The following PRPF40B variants were observed in gnomAD, a reference collection of about 807,000 sequenced individuals.
PRPF40B encodes pre-mRNA processing factor 40B, also known as pre-mRNA-processing factor 40 homolog B.
In PRPF40B, 56 loss-of-function variants were observed where a neutral mutation model predicts 124.5. That is an observed-to-expected ratio of 0.45 (90% confidence interval 0.36 to 0.56). The LOEUF is 0.56. Ranked by LOEUF, PRPF40B falls within the 20% of genes least tolerant of loss-of-function variation. PRPF40B has a pLI of 0.00. For missense variants in PRPF40B, 1,053 were observed against 1,169.5 expected, an observed-to-expected ratio of 0.90 and a Z score of 1.45; for synonymous variants, 443 against 426.4, an observed-to-expected ratio of 1.04 and a Z score of -0.48.
chr12:49,622,983 CA>C (rs1163487791), upstream of PRPF40B, among the ~76,000 whole-genome samples: 1 of 151,936 alleles, frequency 6.6e-6, no homozygotes, highest in African/African-American at 2.4e-5. Flanking sequence ...AGCCAGGTCC[CA>C]AAAGTGAACT....
rs1160480348 is a variant in PRPF40B, at chr12:49,631,024, G to A, written c.85-377G>A. ...TTGGAGAGAAAGGGATGGGAGGCAG[G>A]GGACTGGGGTACTTGGGTACCTGGA... On this transcript the variant is annotated intron_variant, in intron 2 of 25. Transcript: ENST00000548825. This position sits in a 1 kb window ranked among gnomAD's most constrained non-coding sequence, Gnocchi z 4.3. Among the ~76,000 whole-genome samples, 2 of 152,210 alleles carry A rather than the reference G, an allele frequency of 1.3e-5. No homozygotes were observed. Among genetic ancestry groups the A allele is most frequent in the African/African-American group, 4.8e-5 (2 of 41,438 alleles).
chr12:49,642,010 C>A lies in PRPF40B; in HGVS notation c.1870C>A (p.Leu624Met). The A allele has an allele frequency of 6.2e-7, 1 of 1,613,006 alleles. No homozygotes were observed. The highest frequency in any genetic ancestry group is 8.5e-7 in the Non-Finnish European group (1 of 1,180,026). The part of the protein sequence containing the change: ...AAALDAGNIK[L>M]TFNSLLEKAE... ...CGCACTGGACGCAGGCAACATCAAG[C>A]TGACCTTCAATAGTGTGAGGGGCTG... Residue 624 changes from leucine to methionine, a missense_variant, in exon 19 of 26, where the codon CTG (leucine) becomes ATG (methionine). Around this residue, in one of 2 missense-constraint regions of PRPF40B, gnomAD observed 895 missense variants for 1,052.2 expected, o/e 0.85. Coordinates refer to ENST00000548825, the MANE Select transcript of PRPF40B (RefSeq NM_001031698.3). This position sits in a 1 kb window ranked among gnomAD's most constrained non-coding sequence, Gnocchi z 5.8.
At chr12:49,627,608 G>A (rs1280699825) in intron 1 of PRPF40B, among the ~76,000 whole-genome samples, 3 of 152,146 alleles carry the variant, frequency 2.0e-5, no homozygotes, top group African/African-American at 7.2e-5. Context: ...GATTGGCAAG[G>A]TAGCTGGGTA....
chr12:49,623,690 A>T, intron 1 of PRPF40B, 97 bp downstream of exon 1: 1 of 1,006,970 alleles, frequency 9.9e-7, no homozygotes, highest in Non-Finnish European at 1.2e-6. Flanking sequence ...GCCGCTGGGG[A>T]TAGCTGGGAC....
rs1273240240 is a variant in PRPF40B at position 49,633,976 on chromosome 12, A to T, written c.696A>T (p.Pro232=). The change falls in exon 10 of 26, where the codon CCA becomes CCT. Residue 232 remains proline (P), a synonymous_variant. Coordinates refer to ENST00000548825, the MANE Select transcript of PRPF40B (RefSeq NM_001031698.3). Reference sequence around the variant, plus strand: ...CACCTGTGCCTCCTGGCCCCACCCCAGTGCCCACAGGCCTCCTGGAACCTG... The same window carrying T: ...CACCTGTGCCTCCTGGCCCCACCCCTGTGCCCACAGGCCTCCTGGAACCTG... The part of the protein sequence containing the change: ...DPPPVPPGPT[P]VPTGLLEPEP... 6.2e-7 allele frequency: 1 copy of T among 1,614,114 alleles called. No individual in the cohort carries two copies. Among genetic ancestry groups the T allele is most frequent in the Non-Finnish European group, 8.5e-7 (1 of 1,179,992 alleles).
chr12:49,635,821 C>A lies in PRPF40B; in HGVS notation c.1276-22C>A. The A allele has an allele frequency of 1.2e-6, 2 of 1,612,988 alleles. No individual in the cohort carries two copies. The highest frequency in any genetic ancestry group is 1.7e-6 in the Non-Finnish European group (2 of 1,179,690). On this transcript the variant is annotated intron_variant, in intron 14 of 25. Transcript: ENST00000548825. This position sits in a 1 kb window ranked among gnomAD's most constrained non-coding sequence, Gnocchi z 4.1. ...GGTAGCTCTGGCCTGCCCTGCCTCA[C>A]CCTGATCCTGTGGCTCCCTAGGAAC... is the stretch of plus-strand genomic sequence containing the variant.
At chr12:49,629,079 GT>G (rs1199224186) in intron 1 of PRPF40B, among the ~76,000 whole-genome samples, 1 of 152,220 alleles carries the variant, frequency 6.6e-6, no homozygotes, top group Non-Finnish European at 1.5e-5. Context: ...CTTACAGTGA[GT>G]TTGTTTGTTT....
intron 24 of PRPF40B, 46 bp from the exon 25 acceptor site, chr12:49,643,815 C>T (rs945655880): frequency 1.9e-6 from 3 of 1,613,852 alleles, no homozygotes; most frequent in Non-Finnish European, 2.5e-6. Flanking sequence ...ACCTGCCTCC[C>T]AGGCTATCCA....
At chr12:49,630,872 A>C (rs900312459) in intron 2 of PRPF40B, among the ~76,000 whole-genome samples, 3 of 152,174 alleles carry the variant, frequency 2.0e-5, no homozygotes, top group Non-Finnish European at 4.4e-5. Flanking sequence ...AGGTAGGAGA[A>C]GTGGAAGGGA....
intron 1 of PRPF40B, chr12:49,623,898 A>G (rs1357923527): frequency 3.4e-6 from 4 of 1,164,664 alleles, no homozygotes; most frequent in Admixed American, 4.7e-5. Flanking sequence ...TCGGGAAAGA[A>G]GAGAGAGGGC....
Position 49,643,312 on chromosome 12 carries a change from G to A in PRPF40B, c.2295G>A (p.Glu765=), listed in dbSNP as rs535872438. ...GGAACCCCTCAGAGTCAGGCTCTGAGCCCTCTTCCTCACTTGATTCAGTTG... is the reference window on the plus strand; with the variant it reads ...GGAACCCCTCAGAGTCAGGCTCTGAACCCTCTTCCTCACTTGATTCAGTTG... ...RRRNPSESGS[E]PSSSLDSVES... The change falls in exon 23 of 26, where the codon GAG becomes GAA. Residue 765 remains glutamate, a synonymous_variant. Transcript: ENST00000548825. 84 of 1,611,462 alleles carry A rather than the reference G, an allele frequency of 5.2e-5. 1 individual carries two copies. The South Asian group carries it at 7.9e-4, about 15-fold the overall frequency.
chr12:49,627,282 T>G lies in PRPF40B; in HGVS notation c.4-3263T>G, dbSNP rs192184358. ...ATATTATAATTTAATTGGCAGCATT[T>G]GTTTTTTATTCATGCCAAATAGAAA... On this transcript the variant is annotated intron_variant, in intron 1 of 25. Coordinates refer to ENST00000548825, the MANE Select transcript of PRPF40B (RefSeq NM_001031698.3). Among the ~76,000 whole-genome samples the G allele has an allele frequency of 1.1e-3, 162 of 152,292 alleles. 1 individual carries two copies. The highest frequency in any genetic ancestry group is 3.6e-3 in the African/African-American group (149 of 41,524).
In PRPF40B at chr12:49,635,025, C is replaced by G. The variant is rs753502610; in HGVS notation, c.1002-74C>G. 1.9e-5 allele frequency: 27 copies of G among 1,438,360 alleles called. No individual in the cohort carries two copies. The highest frequency in any genetic ancestry group is 2.4e-5 in the Non-Finnish European group (26 of 1,062,482). 89.1% of individuals were successfully genotyped at this position (1,438,360 alleles called of 1,614,324 possible). A position where few individuals can be genotyped will look rare whatever the true frequency, so the allele number is the denominator to read the frequency against. On this transcript the variant is annotated intron_variant, in intron 12 of 25. Coordinates refer to ENST00000548825, the MANE Select transcript of PRPF40B (RefSeq NM_001031698.3). The surrounding 1 kb of genome is among the most constrained non-coding windows in gnomAD (Gnocchi z 4.1). ...CCCTGCAGCCTGCAGTGTCTCATGA[C>G]CCTCCAGTGTGGGCTGTGCAGAGTG...
chr12:49,636,567 C>A, intron 15 of PRPF40B, 149 bp from the exon 16 acceptor site: 1 of 913,136 alleles, frequency 1.1e-6, no homozygotes, highest in Non-Finnish European at 1.7e-6. Flanking sequence ...GCAGTGGCTG[C>A]TCCCACAGAG....
chr12:49,630,567 GGCCCCCA>G lies in PRPF40B; in HGVS notation c.29_35del (p.Pro10GlnfsTer12). The G allele has an allele frequency of 2.9e-6, 4 of 1,402,640 alleles. No homozygotes were observed. Among genetic ancestry groups the G allele is most frequent in the Non-Finnish European group, 4.0e-6 (4 of 997,020 alleles). 86.9% of individuals were successfully genotyped at this position (1,402,640 alleles called of 1,614,324 possible). On this transcript the variant is annotated frameshift_variant, in exon 2 of 26. Coordinates refer to ENST00000548825, the MANE Select transcript of PRPF40B (RefSeq NM_001031698.3). LOFTEE classifies it high-confidence loss of function. ...CAGTCGGTTCCCGATTCTGGTCCCCGGCCCCCAGCAGCGCCTGCCCCCTTCCCACCGG... is the reference window on the plus strand; with the variant it reads ...CAGTCGGTTCCCGATTCTGGTCCCCGGCAGCGCCTGCCCCCTTCCCACCGG...
In PRPF40B at chr12:49,636,981, CCT is replaced by C. The variant is rs1227865813; in HGVS notation, c.1560+139_1560+140del. Reference sequence around the variant, plus strand: ...CTAGCCCTGTCCAAGCTCTATGAGACCTCTCTCTGCCTGCAGTCTGTTTCTGC... The same window carrying C: ...CTAGCCCTGTCCAAGCTCTATGAGACCTCTCTGCCTGCAGTCTGTTTCTGC... On this transcript the variant is annotated intron_variant, in intron 16 of 25. Coordinates refer to ENST00000548825, the MANE Select transcript of PRPF40B (RefSeq NM_001031698.3). 3.9e-6 allele frequency: 5 copies of C among 1,291,368 alleles called. No homozygotes were observed. In the African/African-American group the frequency reaches 5.9e-5, roughly 15 times the overall value. The allele number at this position is 1,291,368 out of a possible 1,614,324, so 80.0% of individuals were successfully genotyped here.
At chr12:49,628,768 G>A (rs1057023414) in intron 1 of PRPF40B, among the ~76,000 whole-genome samples, 3 of 150,728 alleles carry the variant, frequency 2.0e-5, no homozygotes, top group African/African-American at 7.3e-5. Flanking sequence ...GGATTTCACC[G>A]TGTTGGCCAG....
In PRPF40B at chr12:49,635,210, C is replaced by G. The variant is rs960417069; in HGVS notation, c.1113C>G (p.Thr371=). The change falls in exon 13 of 26, where the codon ACC becomes ACG. Residue 371 remains threonine, a synonymous_variant. Transcript: ENST00000548825. The surrounding 1 kb of genome is among the most constrained non-coding windows in gnomAD (Gnocchi z 4.1). ...ARLRAKEAKQ[T]LQHFLEQHER... ...TAAGGGCCAAAGAGGCCAAGCAGAC[C>G]CTGCAGCATTTCCTGGAGCAGCATG... 1.2e-6 allele frequency: 2 copies of G among 1,613,960 alleles called. No homozygotes were observed. The highest frequency in any genetic ancestry group is 1.7e-6 in the Non-Finnish European group (2 of 1,179,994).
rs1449416648 is a variant in PRPF40B at position 49,630,267 on chromosome 12, C to T, written c.4-278C>T. 3.3e-5 allele frequency among the ~76,000 whole-genome samples: 5 copies of T among 152,190 alleles called. 1 individual carries two copies. Among genetic ancestry groups the T allele is most frequent in the Non-Finnish European group, 7.3e-5 (5 of 68,038 alleles). Reference sequence around the variant, plus strand: ...TCTGTGCCTGTAGTGAAGCCTCCTTCATCTTTTCTGTTGCTTTGACAAAAT... The same window carrying T: ...TCTGTGCCTGTAGTGAAGCCTCCTTTATCTTTTCTGTTGCTTTGACAAAAT... On this transcript the variant is annotated intron_variant, in intron 1 of 25. Coordinates refer to ENST00000548825, the MANE Select transcript of PRPF40B (RefSeq NM_001031698.3).
Sources: gnomAD v4.1 joint callset for allele counts (sites outside exome capture counted in the v4.1 genomes callset) on GRCh38, gnomAD v4.1.1 for gene constraint, gnomAD v4.1.1 regional missense constraint, Gnocchi (gnomAD v3.1) non-coding constraint, MANE v1.5 for transcripts, NCBI Gene and HGNC (gene_info 2026-07-23, HGNC 2026-07-21) for gene names.